The following JAZF1 variants were observed in gnomAD, a reference collection of about 807,000 sequenced individuals.
JAZF1 encodes the protein juxtaposed with another zinc finger protein 1.
A neutral mutation model predicts 26.4 loss-of-function variants in JAZF1; 8 were observed. The observed-to-expected ratio is 0.30, with a 90% CI of 0.18 to 0.55. JAZF1 has a LOEUF of 0.55. Among genes scored for constraint, JAZF1 ranks in the 20% least tolerant of loss-of-function variants. The probability of loss-of-function intolerance (pLI) is 0.94; values close to 1 mark genes in which losing one functional copy is unlikely to be tolerated. For missense variants in JAZF1, 199 were observed against 322.0 expected (o/e 0.62, Z 2.92); for synonymous variants, 126 against 122.3 (o/e 1.03, Z -0.20).
At chr7:28,050,044 C>T (rs1783585729) in intron 1 of JAZF1, among the ~76,000 whole-genome samples, 1 of 152,094 alleles carries the variant, frequency 6.6e-6, no homozygotes, top group African/African-American at 2.4e-5. Flanking sequence ...TTTCTGGTGG[C>T]CAGCCCCATT....
Position 27,832,014 on chromosome 7 carries a change from G to A in JAZF1, c.*786C>T, listed in dbSNP as rs995643974. 2.3e-5 allele frequency: 5 copies of A among 216,380 alleles called. No individual in the cohort carries two copies. Among genetic ancestry groups the A allele is most frequent in the South Asian group, 1.9e-4 (1 of 5,392 alleles). The allele number at this position is 216,380 out of a possible 1,614,324, so 13.4% of individuals were successfully genotyped here. A position where few individuals can be genotyped will look rare whatever the true frequency, so the allele number is the denominator to read the frequency against. On this transcript the variant is annotated 3_prime_UTR_variant, in exon 5 of 5. Transcript: ENST00000283928. ...TTTCACTAAATGGGTATCTTGGTCC[G>A]CAGATATCAATAGGCATAAATTGAA...
chr7:28,122,374 T>C (rs1310337404), intron 1 of JAZF1, among the ~76,000 whole-genome samples: 2 of 152,172 alleles, frequency 1.3e-5, no homozygotes, highest in South Asian at 2.1e-4. Flanking sequence ...GCTCAGCTTA[T>C]GTGAACATCT....
chr7:27,984,652 T>C (rs892867312), intron 2 of JAZF1, among the ~76,000 whole-genome samples: 2 of 152,194 alleles, frequency 1.3e-5, no homozygotes, highest in Non-Finnish European at 2.9e-5. Flanking sequence ...GAACATACAT[T>C]CTTCTCAGCA....
intron 1 of JAZF1, among the ~76,000 whole-genome samples, chr7:28,054,274 T>C (rs1364177303): frequency 6.6e-6 from 1 of 152,168 alleles, no homozygotes; most frequent in Non-Finnish European, 1.5e-5. Flanking sequence ...GACCCCATAG[T>C]AGTTATAGAA....
At chr7:28,026,870 T>A (rs1223760980) in intron 1 of JAZF1, among the ~76,000 whole-genome samples, 1 of 152,202 alleles carries the variant, frequency 6.6e-6, no homozygotes, top group African/African-American at 2.4e-5. Flanking sequence ...GCCACAGAAC[T>A]TACTGCACCG....
At chr7:27,980,496 T>A (rs1476234171) in intron 2 of JAZF1, among the ~76,000 whole-genome samples, 2 of 152,312 alleles carry the variant, frequency 1.3e-5, no homozygotes, top group South Asian at 2.1e-4. Flanking sequence ...TTCTTTTTTT[T>A]AATAATCCAA....
chr7:28,076,262 T>C (rs1008404661), intron 1 of JAZF1, among the ~76,000 whole-genome samples: 12 of 152,242 alleles, frequency 7.9e-5, no homozygotes, highest in Non-Finnish European at 1.8e-4. Flanking sequence ...AGGTGCTTAA[T>C]GTTCAACCAC....
chr7:28,016,461 T>G (rs1054057692), intron 1 of JAZF1, among the ~76,000 whole-genome samples: 6 of 152,220 alleles, frequency 3.9e-5, no homozygotes, highest in African/African-American at 1.4e-4. Context: ...GCTGTTTTAA[T>G]GCCAACACCA....
rs561721600 is a variant in JAZF1 at position 27,871,283 on chromosome 7, G to A, written c.385+23937C>T. Among the ~76,000 whole-genome samples, 4 of 152,316 alleles carry A rather than the reference G, an allele frequency of 2.6e-5. No homozygotes were observed. In the East Asian group the frequency reaches 7.7e-4, roughly 29 times the overall value. On this transcript the variant is annotated intron_variant, in intron 3 of 4. Coordinates refer to ENST00000283928, the MANE Select transcript of JAZF1 (RefSeq NM_175061.4). ...ACCTTGGGAAAGCAAGGTCAGTGCT[G>A]TGTGCCAACGGGGTTGTGACATCTG...
intron 3 of JAZF1, among the ~76,000 whole-genome samples, chr7:27,871,355 A>C (rs1488954211): frequency 6.6e-6 from 1 of 152,200 alleles, no homozygotes; most frequent in Non-Finnish European, 1.5e-5. Flanking sequence ...TTGTCAGCTC[A>C]AGTCTATTAA....
intron 2 of JAZF1, among the ~76,000 whole-genome samples, chr7:27,973,205 G>A (rs1318492942): frequency 2.6e-5 from 4 of 152,100 alleles, no homozygotes; most frequent in Non-Finnish European, 5.9e-5. Context: ...AATAGTCATA[G>A]CCAAATGTGT....
intron 1 of JAZF1, among the ~76,000 whole-genome samples, chr7:28,142,320 C>A (rs981107017): frequency 6.6e-5 from 10 of 152,146 alleles, no homozygotes; most frequent in Admixed American, 3.3e-4. Flanking sequence ...GCACATGCAA[C>A]AATTCCAACA....
intron 1 of JAZF1, among the ~76,000 whole-genome samples, chr7:28,125,998 GCAAA>G (rs1431963759): frequency 6.6e-6 from 1 of 152,130 alleles, no homozygotes; most frequent in Admixed American, 6.5e-5. Context: ...TGGGATCCAA[GCAAA>G]CAAATTCCCT....
intron 1 of JAZF1, among the ~76,000 whole-genome samples, chr7:28,163,577 C>A (rs1195575976): frequency 1.3e-5 from 2 of 152,170 alleles, no homozygotes; most frequent in African/African-American, 2.4e-5. Context: ...TCTTAAGGAA[C>A]CTTGTAATAA....
At chr7:28,107,946 C>T (rs940665083) in intron 1 of JAZF1, among the ~76,000 whole-genome samples, 5 of 152,200 alleles carry the variant, frequency 3.3e-5, no homozygotes, top group Admixed American at 2.0e-4. Context: ...CACACCCAGG[C>T]ACGCCTCACT....
intron 2 of JAZF1, among the ~76,000 whole-genome samples, chr7:27,940,927 T>C (rs953952237): frequency 1.3e-5 from 2 of 152,234 alleles, no homozygotes; most frequent in Non-Finnish European, 2.9e-5. Flanking sequence ...CCTGGTAATA[T>C]AGTGGCCTGA....
intron 1 of JAZF1, among the ~76,000 whole-genome samples, chr7:28,172,478 T>A (rs1783484786): frequency 6.6e-6 from 1 of 152,230 alleles, no homozygotes. Context: ...GGCATATTCA[T>A]GTCAAATGAA....
intron 1 of JAZF1, among the ~76,000 whole-genome samples, chr7:28,101,843 T>C (rs1449494071): frequency 6.6e-6 from 1 of 152,030 alleles, no homozygotes; most frequent in Non-Finnish European, 1.5e-5. Flanking sequence ...CAAAAACAAA[T>C]ACAATTTAAC....
At chr7:27,851,692 A>G (rs1783153560) in intron 3 of JAZF1, among the ~76,000 whole-genome samples, 1 of 152,196 alleles carries the variant, frequency 6.6e-6, no homozygotes, top group African/African-American at 2.4e-5. Flanking sequence ...CTCCTAAAAA[A>G]CAAAAAAATG....
Sources: allele counts gnomAD v4.1 joint callset (sites outside exome capture counted in the v4.1 genomes callset), GRCh38; gene constraint gnomAD v4.1.1; transcripts MANE v1.5; gene names NCBI Gene and HGNC (gene_info 2026-07-23, HGNC 2026-07-21).